SUMF1: variants seen among roughly 807,000 people sequenced by gnomAD.
The protein encoded by SUMF1 is sulfatase modifying factor 1, also known as formylglycine-generating enzyme.
In SUMF1, 48 loss-of-function variants were observed where a neutral mutation model predicts 47.6. That is an observed-to-expected ratio of 1.01 (90% CI 0.80 to 1.28). The LOEUF (loss-of-function observed/expected upper bound fraction) is 1.28, where lower values mean the gene tolerates loss of function less well. SUMF1 is among the 50% of genes most tolerant of loss of function. SUMF1 has a pLI of 0.00. For synonymous variants in SUMF1, 230 were observed against 192.1 expected (o/e 1.20, Z -1.63); for missense variants, 571 against 485.4 (o/e 1.18, Z -1.66).
At chr3:4,122,400 T>C (rs1574902741) in intron 8 of SUMF1, among the ~76,000 whole-genome samples, 1 of 152,042 alleles carries the variant, frequency 6.6e-6, no homozygotes, top group South Asian at 2.1e-4. Context: ...AGGGAGAAGG[T>C]ATGTGGGAAA....
intron 8 of SUMF1, among the ~76,000 whole-genome samples, chr3:4,148,132 T>C (rs1176909851): frequency 6.6e-6 from 1 of 152,194 alleles, no homozygotes; most frequent in Admixed American, 6.5e-5. Context: ...TGAACAAACA[T>C]TTCTTTTAAT....
At chr3:4,293,244 G>T (rs1697775993) in intron 8 of SUMF1, among the ~76,000 whole-genome samples, 2 of 152,094 alleles carry the variant, frequency 1.3e-5, no homozygotes, top group Non-Finnish European at 2.9e-5. Flanking sequence ...TATGTAATAT[G>T]TTCTAATCCT....
chr3:4,442,257 C>CT (rs35480700), intron 3 of SUMF1, among the ~76,000 whole-genome samples: 37,926 of 140,462 alleles, frequency 0.27, 5,497 homozygotes, highest in Middle Eastern at 0.38. Flanking sequence ...ACCATGAACT[C>CT]TTTTTTTTTT....
intron 5 of SUMF1, among the ~76,000 whole-genome samples, 190 bp from the exon 6 acceptor site, chr3:4,417,432 C>T (rs908998741): frequency 1.3e-5 from 2 of 152,172 alleles, no homozygotes; most frequent in African/African-American, 4.8e-5. Context: ...TCTCATGTCA[C>T]GTCCACAACA....
At chr3:4,122,291 A>T (rs1693562607) in intron 8 of SUMF1, among the ~76,000 whole-genome samples, 1 of 152,214 alleles carries the variant, frequency 6.6e-6, no homozygotes, top group African/African-American at 2.4e-5. Flanking sequence ...GAAAGAAGCC[A>T]TATACAAAGG....
chr3:4,392,461 C>T (rs1267102222), intron 7 of SUMF1, among the ~76,000 whole-genome samples: 4 of 151,774 alleles, frequency 2.6e-5, no homozygotes, highest in African/African-American at 9.7e-5. Flanking sequence ...ATGGGTCACA[C>T]TTTCTTGTTA....
intron 8 of SUMF1, among the ~76,000 whole-genome samples, chr3:4,120,978 G>A (rs1693527618): frequency 6.6e-6 from 1 of 152,124 alleles, no homozygotes; most frequent in Admixed American, 6.6e-5. Context: ...TTTGTGCTAG[G>A]TAAATAATAG....
chr3:4,338,842 A>T (rs1056342946), intron 8 of SUMF1, among the ~76,000 whole-genome samples: 9 of 151,952 alleles, frequency 5.9e-5, no homozygotes, highest in Non-Finnish European at 1.3e-4. Flanking sequence ...CCTATAATTT[A>T]GTGTGTGTGT....
chr3:4,369,467 A>G (rs1700102268), intron 8 of SUMF1, among the ~76,000 whole-genome samples: 2 of 152,284 alleles, frequency 1.3e-5, no homozygotes, highest in South Asian at 4.1e-4. Flanking sequence ...TATTTCTAGA[A>G]TCAAGTTCCT....
At chr3:4,309,800 G>T (rs1698332763) in intron 8 of SUMF1, among the ~76,000 whole-genome samples, 2 of 152,184 alleles carry the variant, frequency 1.3e-5, no homozygotes, top group South Asian at 2.1e-4. Flanking sequence ...CATATCAGCT[G>T]ACTCCCAGTT....
In SUMF1 at chr3:4,362,360, C is replaced by A; in HGVS notation, c.1015-106G>T. 3.4e-6 allele frequency: 3 copies of A among 895,506 alleles called. No homozygotes were observed. In the South Asian group the frequency reaches 4.1e-5, roughly 12 times the overall value. 55.5% of individuals were successfully genotyped at this position (895,506 alleles called of 1,614,324 possible). On this transcript the variant is annotated intron_variant, in intron 8 of 8. Coordinates refer to ENST00000272902, the MANE Select transcript of SUMF1 (RefSeq NM_182760.4). Reference sequence around the variant, plus strand: ...GGCTGTAGACAGTGCTTCCCCACAACCCTGCCTGTATGGATACTTAACATG... The same window carrying A: ...GGCTGTAGACAGTGCTTCCCCACAAACCTGCCTGTATGGATACTTAACATG...
intron 3 of SUMF1, among the ~76,000 whole-genome samples, chr3:4,425,839 C>T (rs888844358): frequency 1.4e-4 from 21 of 152,120 alleles, no homozygotes; most frequent in Non-Finnish European, 2.8e-4. Flanking sequence ...ACAATCATGG[C>T]GTGGTGGAAG....
chr3:4,181,985 A>T (rs1695105949), intron 8 of SUMF1, among the ~76,000 whole-genome samples: 1 of 152,204 alleles, frequency 6.6e-6, no homozygotes, highest in African/African-American at 2.4e-5. Flanking sequence ...TAAGAGACTA[A>T]AATATACATA....
intron 8 of SUMF1, among the ~76,000 whole-genome samples, chr3:4,150,418 C>T (rs1440124879): frequency 6.6e-6 from 1 of 151,398 alleles, no homozygotes; most frequent in Non-Finnish European, 1.5e-5. Flanking sequence ...AAAAATTAGC[C>T]AGGTGTAGAG....
intron 8 of SUMF1, among the ~76,000 whole-genome samples, chr3:4,186,298 G>C (rs1053261559): frequency 2.0e-5 from 3 of 152,100 alleles, no homozygotes; most frequent in Non-Finnish European, 2.9e-5. Context: ...GTTTGTATTT[G>C]GAGGTTCAAT....
intron 8 of SUMF1, among the ~76,000 whole-genome samples, chr3:4,266,244 T>C (rs1171365638): frequency 1.3e-5 from 2 of 152,180 alleles, no homozygotes; most frequent in African/African-American, 2.4e-5. Context: ...AACTTTAAAG[T>C]AGTTTTTTCC....
At chr3:4,065,125 C>T (rs531474828) in intron 9 of SUMF1, among the ~76,000 whole-genome samples, 3 of 152,280 alleles carry the variant, frequency 2.0e-5, no homozygotes, top group African/African-American at 7.2e-5. Context: ...TACCTTGCCT[C>T]ACCATTTCCC....
chr3:4,096,988 T>A (rs1559467398), intron 8 of SUMF1, among the ~76,000 whole-genome samples: 1 of 152,148 alleles, frequency 6.6e-6, no homozygotes, highest in African/African-American at 2.4e-5. Flanking sequence ...TGGATCCAAC[T>A]AAACATGTCT....
At chr3:4,117,382 T>A (rs1021482392) in intron 8 of SUMF1, among the ~76,000 whole-genome samples, 3 of 152,108 alleles carry the variant, frequency 2.0e-5, no homozygotes, top group African/African-American at 7.2e-5. Context: ...AATGACAAAT[T>A]ATTCCTGGGA....
Sources: gnomAD v4.1 joint callset for allele counts (sites outside exome capture counted in the v4.1 genomes callset) on GRCh38, gnomAD v4.1.1 for gene constraint, MANE v1.5 for transcripts, NCBI Gene and HGNC (gene_info 2026-07-23, HGNC 2026-07-21) for gene names.